MAGI2: variants seen among roughly 807,000 people sequenced by gnomAD.
MAGI2 encodes the protein membrane-associated guanylate kinase, WW and PDZ domain-containing protein 2.
MAGI2 carries 35 observed loss-of-function variants against 133.3 expected under a neutral mutation model. That is an observed-to-expected ratio of 0.26 (90% confidence interval 0.20 to 0.35). The LOEUF is 0.35. Ranked by LOEUF, MAGI2 falls within the 10% of genes least tolerant of loss-of-function variation. MAGI2 has a pLI of 1.00. For synonymous variants in MAGI2, 729 were observed against 710.6 expected (o/e 1.03, Z -0.41); for missense variants, 1,636 against 1,863.4 (o/e 0.88, Z 2.25).
At chr7:78,133,169 A>T in intron 17 of MAGI2, 109 bp from the exon 18 acceptor site, 1 of 840,216 alleles carries the variant, frequency 1.2e-6, no homozygotes, top group South Asian at 2.0e-5. Flanking sequence ...GGCTTTGGTT[A>T]TTTCCGTTTC....
At chr7:78,707,859 T>C (rs539979332) in intron 2 of MAGI2, among the ~76,000 whole-genome samples, 5 of 152,210 alleles carry the variant, frequency 3.3e-5, no homozygotes, top group East Asian at 3.9e-4. Flanking sequence ...TGGGGCTTAG[T>C]GCAGTCTGGT....
intron 21 of MAGI2, among the ~76,000 whole-genome samples, chr7:78,040,448 C>A (rs1467168815): frequency 6.6e-6 from 1 of 152,198 alleles, no homozygotes; most frequent in Non-Finnish European, 1.5e-5. Context: ...CTACCCTGCC[C>A]GGCTCAGCCC....
intron 2 of MAGI2, among the ~76,000 whole-genome samples, chr7:78,723,950 G>A (rs930105455): frequency 6.6e-6 from 1 of 152,104 alleles, no homozygotes; most frequent in African/African-American, 2.4e-5. Flanking sequence ...TTGATTGCCT[G>A]GAGAAAGAGG....
intron 1 of MAGI2, among the ~76,000 whole-genome samples, chr7:79,389,055 CT>C (rs537803386): frequency 6.6e-6 from 1 of 151,570 alleles, no homozygotes; most frequent in Non-Finnish European, 1.5e-5. Flanking sequence ...TAAAACACTT[CT>C]TTTTTTTAAA....
chr7:79,005,574 G>T (rs1044729915), intron 2 of MAGI2, among the ~76,000 whole-genome samples: 2 of 152,016 alleles, frequency 1.3e-5, no homozygotes, highest in Non-Finnish European at 2.9e-5. Context: ...CCTTAGCAAG[G>T]ACTACATGTA....
At chr7:79,025,319 G>T (rs1809770269) in intron 1 of MAGI2, among the ~76,000 whole-genome samples, 1 of 152,138 alleles carries the variant, frequency 6.6e-6, no homozygotes, top group Middle Eastern at 3.2e-3. Flanking sequence ...TGGACACAAA[G>T]AAGGGAACAA....
At chr7:78,769,840 A>C (rs1825402941) in intron 2 of MAGI2, among the ~76,000 whole-genome samples, 1 of 152,164 alleles carries the variant, frequency 6.6e-6, no homozygotes, top group Admixed American at 6.5e-5. Context: ...AGTCTGTGGC[A>C]ACTGCATGGC....
intron 1 of MAGI2, among the ~76,000 whole-genome samples, chr7:79,391,514 T>TATATATATATATATATATATATATAGAC (rs1844624036): frequency 2.2e-5 from 1 of 46,316 alleles, no homozygotes; most frequent in Admixed American, 1.9e-4. Flanking sequence ...TAGACATATA[T>TATATATATATATATATATATATATAGAC]ATATATATAT....
chr7:79,315,857 T>C (rs1163309427), intron 1 of MAGI2, among the ~76,000 whole-genome samples: 1 of 152,042 alleles, frequency 6.6e-6, no homozygotes, highest in African/African-American at 2.4e-5. Context: ...ATTTTTGCTA[T>C]GGGCAAAAGA....
intron 2 of MAGI2, among the ~76,000 whole-genome samples, chr7:78,757,203 G>A (rs941692427): frequency 4.6e-5 from 7 of 151,970 alleles, no homozygotes; most frequent in African/African-American, 1.7e-4. Flanking sequence ...CACATTCCTG[G>A]AAGAGGACAG....
At chr7:78,349,664 G>C (rs1324264051) in intron 7 of MAGI2, among the ~76,000 whole-genome samples, 1 of 152,146 alleles carries the variant, frequency 6.6e-6, no homozygotes, top group Non-Finnish European at 1.5e-5. Context: ...GACAGCAAAA[G>C]CAGGATATGG....
At chr7:79,234,163 C>A (rs1200559340) in intron 1 of MAGI2, among the ~76,000 whole-genome samples, 2 of 138,734 alleles carry the variant, frequency 1.4e-5, no homozygotes, top group East Asian at 2.1e-4. Flanking sequence ...CCGAGAGATC[C>A]GCTGTTAGTC....
intron 3 of MAGI2, among the ~76,000 whole-genome samples, chr7:78,526,879 G>A (rs558923673): frequency 6.6e-6 from 1 of 151,636 alleles, no homozygotes; most frequent in South Asian, 2.1e-4. Context: ...ATGGTGGCAT[G>A]TGCCTGTAGT....
At chr7:79,389,859 C>A (rs1215861426) in intron 1 of MAGI2, among the ~76,000 whole-genome samples, 3 of 151,924 alleles carry the variant, frequency 2.0e-5, no homozygotes, top group Admixed American at 1.3e-4. Context: ...CCCCATGGTT[C>A]CAATAGCTTA....
At chr7:78,436,214 G>T (rs1266265240) in intron 6 of MAGI2, among the ~76,000 whole-genome samples, 2 of 152,158 alleles carry the variant, frequency 1.3e-5, no homozygotes, top group Non-Finnish European at 2.9e-5. Flanking sequence ...CCCTGCTTTA[G>T]AAATGAGCCC....
At chr7:78,131,557 C>T (rs1821563797) in intron 18 of MAGI2, among the ~76,000 whole-genome samples, 1 of 152,088 alleles carries the variant, frequency 6.6e-6, no homozygotes, top group African/African-American at 2.4e-5. Context: ...ATTAAAAAGG[C>T]CAGTGAGGGG....
intron 4 of MAGI2, among the ~76,000 whole-genome samples, chr7:78,513,632 T>C (rs983025286): frequency 6.6e-6 from 1 of 152,162 alleles, no homozygotes; most frequent in African/African-American, 2.4e-5. Flanking sequence ...CCATGGGCTT[T>C]CTGTAACTGC....
rs10254208 is a variant in MAGI2, at chr7:78,371,638, G to C, written c.1046-2425C>G. On this transcript the variant is annotated intron_variant, in intron 6 of 21. Transcript: ENST00000354212. Reference sequence around the variant, plus strand: ...GCAGAGTTCATTGATTCTTTTCTTTGTCAGATTTACAATGCCAAATTTCTT... The same window carrying C: ...GCAGAGTTCATTGATTCTTTTCTTTCTCAGATTTACAATGCCAAATTTCTT... Among the ~76,000 whole-genome samples, 707 of 151,890 alleles carry C rather than the reference G, an allele frequency of 4.7e-3. 7 individuals are homozygous for C. The highest frequency in any genetic ancestry group is 0.016 in the African/African-American group (652 of 41,516).
At chr7:78,150,821 C>A (rs1823795826) in intron 16 of MAGI2, among the ~76,000 whole-genome samples, 1 of 152,048 alleles carries the variant, frequency 6.6e-6, no homozygotes, top group African/African-American at 2.4e-5. Context: ...GAAAAATAGT[C>A]CAGAATTTTA....
Sources: gnomAD v4.1 joint callset for allele counts (sites outside exome capture counted in the v4.1 genomes callset) on GRCh38, gnomAD v4.1.1 for gene constraint, MANE v1.5 for transcripts, NCBI Gene and HGNC (gene_info 2026-07-23, HGNC 2026-07-21) for gene names.